MEGF8: variants seen among roughly 807,000 people sequenced by gnomAD.
MEGF8 encodes the protein multiple epidermal growth factor-like domains protein 8.
Under a neutral mutation model 302.9 loss-of-function variants are expected in MEGF8, and 156 were observed. That is an observed-to-expected ratio of 0.52 (90% confidence interval 0.45 to 0.59). The LOEUF is 0.59. MEGF8 is among the 20% of genes least tolerant of loss of function. The pLI is 0.00. For missense variants in MEGF8, 3,345 were observed against 3,964.5 expected (o/e 0.84, Z 4.20); for synonymous variants, 1,621 against 1,660.5 (o/e 0.98, Z 0.58).
chr19:42,352,159 G>A lies in MEGF8; in HGVS notation c.3102-49G>A. The A allele has an allele frequency of 6.8e-7, 1 of 1,467,426 alleles. No individual in the cohort carries two copies. The highest frequency in any genetic ancestry group is 1.4e-5 in the African/African-American group (1 of 70,744). 90.9% of individuals were successfully genotyped at this position (1,467,426 alleles called of 1,614,324 possible). On this transcript the variant is annotated intron_variant, in intron 18 of 41. Coordinates refer to ENST00000251268, the MANE Select transcript of MEGF8 (RefSeq NM_001271938.2). The surrounding 1 kb of genome is among the most constrained non-coding windows in gnomAD (Gnocchi z 4.4). ...CTCCCTGTCATTGTTTCTATGTATG[G>A]CTCCTGTTTCTATGTTGTCCCCCGC...
intron 31 of MEGF8, among the ~76,000 whole-genome samples, chr19:42,360,145 T>C (rs1350319728): frequency 1.4e-5 from 2 of 147,310 alleles, no homozygotes; most frequent in Non-Finnish European, 3.0e-5. Context: ...AGCAAGACTC[T>C]TTCTCAAAAA....
intron 35 of MEGF8, among the ~76,000 whole-genome samples, chr19:42,365,772 TAAAAA>T (rs771190592): frequency 9.7e-4 from 56 of 57,664 alleles, no homozygotes; most frequent in African/African-American, 3.1e-3. Context: ...ACCCCGTCTC[TAAAAA>T]AAAAAAAAAA....
At chr19:42,372,059 A>G (rs2039699093) in intron 41 of MEGF8, among the ~76,000 whole-genome samples, 1 of 149,134 alleles carries the variant, frequency 6.7e-6, no homozygotes, top group African/African-American at 2.5e-5. Context: ...AACAACAACA[A>G]CAACAACAAC....
In MEGF8 at chr19:42,326,059, T is replaced by C; in HGVS notation, c.-185T>C. On this transcript the variant is annotated 5_prime_UTR_variant, in exon 1 of 42. Transcript: ENST00000251268. ...CGCTCTATAGGGCTCAGCCCTCGGC[T>C]TCCAGAGCCTGTCAGCAGTGGCCGT... 1 of 1,013,418 alleles carries C rather than the reference T, an allele frequency of 9.9e-7. No homozygotes were observed. Among genetic ancestry groups the C allele is most frequent in the Non-Finnish European group, 1.3e-6 (1 of 750,474 alleles). 62.8% of individuals were successfully genotyped at this position (1,013,418 alleles called of 1,614,324 possible). A position where few individuals can be genotyped will look rare whatever the true frequency, so the allele number is the denominator to read the frequency against.
chr19:42,354,688 G>A lies in MEGF8; in HGVS notation c.4112G>A (p.Arg1371Gln). Residue 1371 changes from arginine (R) to glutamine (Q), a missense_variant, in exon 23 of 42, where the codon CGG becomes CAG. By Grantham distance (43) the Arg-to-Gln change is conservative. Transcript: ENST00000251268. This position sits in a 1 kb window ranked among gnomAD's most constrained non-coding sequence, Gnocchi z 4.3. ...ATAGCTGCCTTCTGCGGCCAGCGACGGGACAGGCCCCTCACTGTTCAGGCC... is the reference window on the plus strand; with the variant it reads ...ATAGCTGCCTTCTGCGGCCAGCGACAGGACAGGCCCCTCACTGTTCAGGCC... ...SLIAAFCGQR[R>Q]DRPLTVQALS... is the part of the protein sequence containing the mutation. 6.2e-7 allele frequency: 1 copy of A among 1,609,496 alleles called. No individual in the cohort carries two copies. The highest frequency in any genetic ancestry group is 8.5e-7 in the Non-Finnish European group (1 of 1,179,734).
chr19:42,366,200 G>A (rs1441804166), intron 35 of MEGF8, among the ~76,000 whole-genome samples: 2 of 152,152 alleles, frequency 1.3e-5, no homozygotes, highest in Non-Finnish European at 2.9e-5. Context: ...ATCCCGCATT[G>A]TTCTTTTTTT....
chr19:42,326,283 G>C lies in MEGF8; in HGVS notation c.40G>C (p.Ala14Pro). ...GGTTCTGGCCATGGCACTGGTTTTG[G>C]CCTTGGCCGTGCTGGGGTCGCTGTC... The part of the protein sequence containing the change: ...GKVLAMALVL[A>P]LAVLGSLSPG... Residue 14 changes from alanine (A) to proline (P), a missense_variant, in exon 1 of 42, where the codon GCC becomes CCC. Physicochemically the swap from Ala to Pro is conservative, Grantham distance 27. Coordinates refer to ENST00000251268, the MANE Select transcript of MEGF8 (RefSeq NM_001271938.2). 2 of 1,561,636 alleles carry C rather than the reference G, an allele frequency of 1.3e-6. No individual in the cohort carries two copies. The highest frequency in any genetic ancestry group is 1.7e-6 in the Non-Finnish European group (2 of 1,160,920).
chr19:42,365,655 C>G (rs1041702387), intron 35 of MEGF8, among the ~76,000 whole-genome samples: 4 of 151,036 alleles, frequency 2.6e-5, no homozygotes, highest in Admixed American at 2.6e-4. Context: ...GTCTGTAGTC[C>G]CAGCTACTTG....
Position 42,352,079 on chromosome 19 carries a change from T to C in MEGF8, c.3102-129T>C. ...TGTCTGCGACTTCTCCTGGTTTCTC[T>C]GTCTCTCTTTCCAAATTTGTATTTG... On this transcript the variant is annotated intron_variant, in intron 18 of 41. Transcript: ENST00000251268. The surrounding 1 kb of genome is among the most constrained non-coding windows in gnomAD (Gnocchi z 4.4). 1.6e-6 allele frequency: 2 copies of C among 1,246,252 alleles called. No individual in the cohort carries two copies. Among genetic ancestry groups the C allele is most frequent in the Non-Finnish European group, 2.2e-6 (2 of 921,922 alleles). The allele number at this position is 1,246,252 out of a possible 1,614,324, so 77.2% of individuals were successfully genotyped here. A position where few individuals can be genotyped will look rare whatever the true frequency, so the allele number is the denominator to read the frequency against.
chr19:42,361,680 CAG>C (rs2039533854), intron 32 of MEGF8, among the ~76,000 whole-genome samples: 1 of 152,122 alleles, frequency 6.6e-6, no homozygotes, highest in South Asian at 2.1e-4. Context: ...CTGTGCAGGA[CAG>C]GGAGCCATGG....
chr19:42,328,373 TTGTC>T (rs763201547), intron 1 of MEGF8, among the ~76,000 whole-genome samples: 12 of 152,014 alleles, frequency 7.9e-5, no homozygotes, highest in Non-Finnish European at 1.5e-4. Flanking sequence ...AGCTTTGTCT[TTGTC>T]TGGGGGCTCT....
chr19:42,325,881 A>C lies in MEGF8; in HGVS notation c.-363A>C. On this transcript the variant is annotated 5_prime_UTR_variant, in exon 1 of 42. Transcript: ENST00000251268. Reference sequence around the variant, plus strand: ...TCGCCCCCTGGGGACCCACCCGTCTATAAGGTCCGTTTGGCCTGCAGCAGC... The same window carrying C: ...TCGCCCCCTGGGGACCCACCCGTCTCTAAGGTCCGTTTGGCCTGCAGCAGC... The C allele has an allele frequency of 1.5e-5, 3 of 200,284 alleles. No homozygotes were observed. The highest frequency in any genetic ancestry group is 1.1e-4 in the East Asian group (1 of 9,104). 12.4% of individuals were successfully genotyped at this position (200,284 alleles called of 1,614,324 possible).
rs777570682 is a variant in MEGF8 at position 42,356,080 on chromosome 19, C to T, written c.4393-3C>T. 24 of 1,588,570 alleles carry T rather than the reference C, an allele frequency of 1.5e-5. No individual in the cohort carries two copies. The East Asian group carries it at 5.2e-4, about 34-fold the overall frequency. ...CTCCCCTGAGTCCCTTGTCATCCCC[C>T]AGAGCCTGGGTGTGTGCATCTGTGC... On this transcript the variant is annotated splice_region_variant and splice_polypyrimidine_tract_variant and intron_variant, in intron 24 of 41. Transcript: ENST00000251268. This position sits in a 1 kb window ranked among gnomAD's most constrained non-coding sequence, Gnocchi z 5.2.
In MEGF8 at chr19:42,351,454, G is replaced by A. The variant is rs1431607160; in HGVS notation, c.2881G>A (p.Ala961Thr). ...GCGACTGACCTGTGAGGACTGCCTG[G>A]CCAACTCTAGCCAGTGCGCCTGGTG... ...SQRLTCEDCLANSSQCAWCQS... is the reference protein window; with the variant it reads ...SQRLTCEDCLTNSSQCAWCQS... Residue 961 changes from alanine to threonine, a missense_variant, in exon 17 of 42, where the codon GCC becomes ACC. Ala to Thr is a moderately conservative substitution (Grantham distance 58). Coordinates refer to ENST00000251268, the MANE Select transcript of MEGF8 (RefSeq NM_001271938.2). The surrounding 1 kb of genome is among the most constrained non-coding windows in gnomAD (Gnocchi z 5.6). 8.8e-6 allele frequency: 14 copies of A among 1,598,436 alleles called. No homozygotes were observed. Among genetic ancestry groups the A allele is most frequent in the Non-Finnish European group, 1.1e-5 (13 of 1,173,184 alleles).
At position 42,362,124 on chromosome 19, in the gene MEGF8, C is replaced by T. The variant is rs1366432152; in HGVS notation, c.5755C>T (p.Pro1919Ser). 1 of 1,612,338 alleles carries T rather than the reference C, an allele frequency of 6.2e-7. No individual in the cohort carries two copies. The stretch of plus-strand genomic sequence containing the variant: ...CGGGGGCTCCCCCTGCTCCCCAATG[C>T]CTCGCTCCCCGGAGGAATGTCGACG... ...GCGGSPCSPM[P>S]RSPEECRRLR... The change falls in exon 33 of 42, where the codon CCT becomes TCT. Residue 1919 changes from proline to serine, a missense_variant. By Grantham distance (74) the Pro-to-Ser change is moderately conservative. Coordinates refer to ENST00000251268, the MANE Select transcript of MEGF8 (RefSeq NM_001271938.2).
chr19:42,343,823 A>C, intron 9 of MEGF8, 131 bp from the exon 10 acceptor site: 2 of 1,392,810 alleles, frequency 1.4e-6, no homozygotes, highest in Non-Finnish European at 1.9e-6. Context: ...GGAGGAATGG[A>C]TGGGCATGCT....
chr19:42,348,524 G>A (rs2039322523), intron 13 of MEGF8, 52 bp downstream of exon 13: 5 of 1,450,918 alleles, frequency 3.4e-6, no homozygotes, highest in Non-Finnish European at 4.6e-6. Context: ...TAGGGAGTTA[G>A]GGGTGTGGTA....
At chr19:42,337,797 T>C (rs1184129293) in intron 8 of MEGF8, among the ~76,000 whole-genome samples, 2 of 151,800 alleles carry the variant, frequency 1.3e-5, no homozygotes, top group Non-Finnish European at 2.9e-5. Context: ...TGAGCCACCA[T>C]GCCCGGCCTC....
chr19:42,370,092 C>T, intron 38 of MEGF8, 97 bp from the exon 39 acceptor site: 1 of 1,356,424 alleles, frequency 7.4e-7, no homozygotes, highest in Non-Finnish European at 1.0e-6. Context: ...CTCTGCTGCC[C>T]TCCCGTGGGC....
Sources: allele counts gnomAD v4.1 joint callset (sites outside exome capture counted in the v4.1 genomes callset), GRCh38; gene constraint gnomAD v4.1.1; non-coding constraint Gnocchi (gnomAD v3.1); transcripts MANE v1.5; gene names NCBI Gene and HGNC (gene_info 2026-07-23, HGNC 2026-07-21).